Variants in ULK4 observed in about 807,000 individuals in gnomAD.
The protein encoded by ULK4 is unc-51 like kinase 4, also known as inactive serine/threonine-protein kinase ULK4.
Under a neutral mutation model 160.6 loss-of-function variants are expected in ULK4, and 133 were observed. The ratio of observed to expected loss-of-function variants is 0.83; its 90% CI spans 0.72 to 0.96. The LOEUF (loss-of-function observed/expected upper bound fraction) is 0.96, where lower values mean the gene tolerates loss of function less well. ULK4 is among the 40% of genes least tolerant of loss of function. ULK4 has a pLI of 0.00. For synonymous variants in ULK4, 534 were observed against 539.8 expected (o/e 0.99, Z 0.15); for missense variants, 1,580 against 1,499.5 (o/e 1.05, Z -0.89).
intron 32 of ULK4, among the ~76,000 whole-genome samples, chr3:41,536,503 C>T (rs1457694212): frequency 6.6e-6 from 1 of 152,130 alleles, no homozygotes; most frequent in Non-Finnish European, 1.5e-5. Flanking sequence ...AACTTAACTA[C>T]TAATATCCTA....
intron 35 of ULK4, among the ~76,000 whole-genome samples, chr3:41,289,939 G>A (rs1233710970): frequency 1.3e-5 from 2 of 152,060 alleles, no homozygotes; most frequent in South Asian, 2.1e-4. Flanking sequence ...ACAATGGCAC[G>A]ATCTCGGTTC....
intron 34 of ULK4, among the ~76,000 whole-genome samples, chr3:41,409,177 GC>G (rs2082359552): frequency 6.6e-6 from 1 of 152,110 alleles, no homozygotes; most frequent in Non-Finnish European, 1.5e-5. Flanking sequence ...GATGGATTAA[GC>G]CCAGGAGGCG....
intron 32 of ULK4, among the ~76,000 whole-genome samples, chr3:41,505,255 C>T (rs1359622788): frequency 6.6e-6 from 1 of 152,094 alleles, no homozygotes; most frequent in Non-Finnish European, 1.5e-5. Context: ...AAGAACATTG[C>T]GAACACCCAG....
At chr3:41,388,412 C>T (rs974770717) in intron 35 of ULK4, among the ~76,000 whole-genome samples, 1 of 151,932 alleles carries the variant, frequency 6.6e-6, no homozygotes, top group African/African-American at 2.4e-5. Context: ...GCTTTGGTTG[C>T]CATTGCTTTT....
At chr3:41,591,094 A>AG (rs2031269746) in intron 31 of ULK4, among the ~76,000 whole-genome samples, 2 of 152,202 alleles carry the variant, frequency 1.3e-5, no homozygotes, top group Non-Finnish European at 1.5e-5. Context: ...AAATCTTAAA[A>AG]GGGGAAAAAA....
chr3:41,844,790 T>TTA (rs1491480231), intron 17 of ULK4, among the ~76,000 whole-genome samples: 2 of 125,088 alleles, frequency 1.6e-5, no homozygotes, highest in African/African-American at 5.8e-5. Context: ...GAGGTTTTTC[T>TTA]AAAAAAAAAA....
At chr3:41,916,074 AG>A in intron 7 of ULK4, 22 bp from the exon 8 acceptor site, 1 of 1,491,492 alleles carries the variant, frequency 6.7e-7, no homozygotes, top group Non-Finnish European at 9.1e-7. Flanking sequence ...TTAATTTCCA[AG>A]AAAAAATGAT....
At position 41,720,458 on chromosome 3, in the gene ULK4, G is replaced by T. The variant is rs909694275; in HGVS notation, c.2322-2597C>A. ...TTCCACCTAGAAAAAAATACCAGAA[G>T]CAAAAAGACCAACTGGAGAAAAATA... On this transcript the variant is annotated intron_variant, in intron 22 of 36. Coordinates refer to ENST00000301831, the MANE Select transcript of ULK4 (RefSeq NM_017886.4). Among the ~76,000 whole-genome samples, 4 of 151,110 alleles carry T rather than the reference G, an allele frequency of 2.6e-5. No individual in the cohort carries two copies. In the East Asian group the frequency reaches 5.8e-4, roughly 22 times the overall value.
chr3:41,427,185 T>G (rs2125842614), intron 34 of ULK4, among the ~76,000 whole-genome samples: 1 of 152,196 alleles, frequency 6.6e-6, no homozygotes, highest in South Asian at 2.1e-4. Context: ...AATTCCTGGA[T>G]GCATACACTC....
At chr3:41,572,604 C>CAAA (rs35989954) in intron 31 of ULK4, among the ~76,000 whole-genome samples, 3 of 146,574 alleles carry the variant, frequency 2.0e-5, no homozygotes, top group African/African-American at 7.6e-5. Context: ...ACTAAAAATA[C>CAAA]AAAAAAAAAA....
intron 32 of ULK4, among the ~76,000 whole-genome samples, 162 bp downstream of exon 32, chr3:41,565,863 G>C (rs933247717): frequency 1.3e-5 from 2 of 152,138 alleles, no homozygotes; most frequent in African/African-American, 4.8e-5. Flanking sequence ...TTAACTTAGA[G>C]AAACCATCCC....
rs1315008374 is a variant in ULK4 at position 41,455,656 on chromosome 3, A to C, written c.3394-61T>G. ...GGTGATTAGTCAGCTTGGCCAAAGG[A>C]AACAGGACCACTCCATCGGGCAGAC... On this transcript the variant is annotated intron_variant, in intron 33 of 36. Transcript: ENST00000301831. 16 of 1,497,090 alleles carry C rather than the reference A, an allele frequency of 1.1e-5. 1 individual carries two copies. In the South Asian group the frequency reaches 1.4e-4, roughly 13 times the overall value. 92.7% of individuals were successfully genotyped at this position (1,497,090 alleles called of 1,614,324 possible). A position where few individuals can be genotyped will look rare whatever the true frequency, so the allele number is the denominator to read the frequency against.
At chr3:41,671,493 G>A (rs1422208227) in intron 29 of ULK4, among the ~76,000 whole-genome samples, 1 of 152,002 alleles carries the variant, frequency 6.6e-6, no homozygotes. Flanking sequence ...ACAGAAGAAA[G>A]GACACTCTCT....
intron 32 of ULK4, among the ~76,000 whole-genome samples, chr3:41,480,416 G>A (rs1432671416): frequency 6.6e-6 from 1 of 151,834 alleles, no homozygotes; most frequent in African/African-American, 2.4e-5. Flanking sequence ...AACAACATGG[G>A]TTTGAACTAT....
intron 23 of ULK4, 26 bp from the exon 24 acceptor site, chr3:41,715,594 G>A (rs1162474558): frequency 1.2e-6 from 2 of 1,613,684 alleles, no homozygotes; most frequent in Non-Finnish European, 1.7e-6. Flanking sequence ...CAGAGCATAT[G>A]TGGAGGTTAA....
intron 18 of ULK4, among the ~76,000 whole-genome samples, chr3:41,824,379 G>T (rs553627033): frequency 6.6e-6 from 1 of 151,998 alleles, no homozygotes; most frequent in African/African-American, 2.4e-5. Context: ...TTGCCTCACC[G>T]GGGAAGCGCA....
chr3:41,627,178 ACC>A (rs1298881900), intron 30 of ULK4, among the ~76,000 whole-genome samples: 2 of 152,130 alleles, frequency 1.3e-5, no homozygotes, highest in Non-Finnish European at 2.9e-5. Flanking sequence ...TCTCTGTCCT[ACC>A]CCCACCTTAG....
At chr3:41,816,873 T>TA (rs2040981610) in intron 19 of ULK4, among the ~76,000 whole-genome samples, 1 of 152,178 alleles carries the variant, frequency 6.6e-6, no homozygotes, top group Non-Finnish European at 1.5e-5. Context: ...AAGATATGGG[T>TA]TAATAAGTAC....
intron 30 of ULK4, among the ~76,000 whole-genome samples, chr3:41,618,950 G>GA (rs577395083): frequency 3.1e-4 from 44 of 142,170 alleles, no homozygotes; most frequent in South Asian, 2.7e-3. Context: ...CAAATGAAAA[G>GA]AAAAAAAAAA....
Sources: allele counts gnomAD v4.1 joint callset (sites outside exome capture counted in the v4.1 genomes callset), GRCh38; gene constraint gnomAD v4.1.1; transcripts MANE v1.5; gene names NCBI Gene and HGNC (gene_info 2026-07-23, HGNC 2026-07-21).